CRYBG1: variants seen among roughly 807,000 people sequenced by gnomAD.
CRYBG1 encodes beta/gamma crystallin domain-containing protein 1.
In CRYBG1, 139 loss-of-function variants were observed where a neutral mutation model predicts 189.2. The ratio of observed to expected loss-of-function variants is 0.73; its 90% CI spans 0.64 to 0.85. The LOEUF (loss-of-function observed/expected upper bound fraction) is 0.85. Among genes scored for constraint, CRYBG1 ranks in the 40% least tolerant of loss-of-function variants. The pLI is 0.00. For missense variants in CRYBG1, 2,611 were observed against 2,675.8 expected, an observed-to-expected ratio of 0.98 and a Z score of 0.53; for synonymous variants, 1,023 against 1,017.1, an observed-to-expected ratio of 1.01 and a Z score of -0.11.
At chr6:106,417,220 A>C (rs904990253) in intron 1 of CRYBG1, among the ~76,000 whole-genome samples, 1 of 151,984 alleles carries the variant, frequency 6.6e-6, no homozygotes, top group African/African-American at 2.4e-5. Context: ...TATTTAAAAA[A>C]ATTTAAAAAG....
chr6:106,512,639 C>G lies in CRYBG1; in HGVS notation c.1522C>G (p.Pro508Ala). Residue 508 changes from proline (P) to alanine (A), a missense_variant, in exon 3 of 22, where the codon CCG becomes GCG. Physicochemically the swap from Pro to Ala is conservative, Grantham distance 27. Transcript: ENST00000633556. ...GTCGGACCGGAGCAAACAGCCACCC[C>G]CGGCTTCGTCCCCCACGAAGAGGAA... Reference protein sequence around the residue: ...GESDRSKQPPPASSPTKRKGR... With the variant: ...GESDRSKQPPAASSPTKRKGR... 1 of 1,589,314 alleles carries G rather than the reference C, an allele frequency of 6.3e-7. No homozygotes were observed. The highest frequency in any genetic ancestry group is 2.3e-5 in the East Asian group (1 of 43,842).
rs149102964 is a variant in CRYBG1, at chr6:106,519,313, G to A, written c.2105G>A (p.Arg702Lys). ...SPRHTDIRGQ[R>K]NTPASSKTFV... ...AGACACACTGACATTCGAGGCCAAAGGAATACTCCTGCCTCTAGTAAAACG... is the reference window on the plus strand; with the variant it reads ...AGACACACTGACATTCGAGGCCAAAAGAATACTCCTGCCTCTAGTAAAACG... Residue 702 changes from arginine (R) to lysine (K), a missense_variant, in exon 4 of 22, where the codon AGG becomes AAG. Transcript: ENST00000633556. 4.3e-5 allele frequency: 70 copies of A among 1,614,076 alleles called. 1 individual carries two copies. The African/African-American group carries it at 9.2e-4, about 21-fold the overall frequency.
At chr6:106,488,619 T>G (rs952184709) in intron 2 of CRYBG1, among the ~76,000 whole-genome samples, 1 of 151,698 alleles carries the variant, frequency 6.6e-6, no homozygotes, top group African/African-American at 2.4e-5. Flanking sequence ...CTCTCTCTGG[T>G]GGGGTGGGCT....
intron 2 of CRYBG1, among the ~76,000 whole-genome samples, chr6:106,508,212 C>T (rs1160178727): frequency 6.6e-6 from 1 of 152,210 alleles, no homozygotes; most frequent in Non-Finnish European, 1.5e-5. Context: ...CACTGCACAC[C>T]AGGCTGGTCA....
intron 1 of CRYBG1, among the ~76,000 whole-genome samples, chr6:106,372,500 C>T (rs1410731279): frequency 6.6e-6 from 1 of 152,184 alleles, no homozygotes; most frequent in East Asian, 1.9e-4. Context: ...GATCTGCCCA[C>T]CTTGGCCTCC....
intron 4 of CRYBG1, 147 bp from the exon 5 acceptor site, chr6:106,524,986 T>C (rs534560973): frequency 1.3e-6 from 1 of 758,140 alleles, no homozygotes; most frequent in African/African-American, 1.8e-5. Flanking sequence ...AGAGTTTTAA[T>C]ACAACTTTAG....
At chr6:106,553,112 A>G (rs530727352) in intron 15 of CRYBG1, among the ~76,000 whole-genome samples, 2 of 152,316 alleles carry the variant, frequency 1.3e-5, no homozygotes, top group African/African-American at 4.8e-5. Flanking sequence ...TTTCCAAAAT[A>G]CTGTTTGTCG....
intron 2 of CRYBG1, among the ~76,000 whole-genome samples, chr6:106,465,081 AT>A (rs1772085002): frequency 6.6e-6 from 1 of 152,176 alleles, no homozygotes; most frequent in Non-Finnish European, 1.5e-5. Flanking sequence ...AGTTCCCCTA[AT>A]TCCCAGCTGG....
chr6:106,525,376 G>T lies in CRYBG1; in HGVS notation c.4402G>T (p.Val1468Phe), dbSNP rs780066792. 9 of 1,613,232 alleles carry T rather than the reference G, an allele frequency of 5.6e-6. No homozygotes were observed. The highest frequency in any genetic ancestry group is 7.6e-6 in the Non-Finnish European group (9 of 1,179,228). ...SLSPVILIKV[V>F]RGCWILYEQP... is the part of the protein sequence containing the mutation. ...CTCTCCAGTGATACTCATAAAAGTTGTTAGAGGATGGTAAGAATGGCACTT... is the reference window on the plus strand; with the variant it reads ...CTCTCCAGTGATACTCATAAAAGTTTTTAGAGGATGGTAAGAATGGCACTT... The change falls in exon 6 of 22, where the codon GTT becomes TTT. Residue 1468 changes from valine to phenylalanine, a missense_variant. Coordinates refer to ENST00000633556, the MANE Select transcript of CRYBG1 (RefSeq NM_001371242.2).
At chr6:106,412,772 T>C (rs1770953285) in intron 1 of CRYBG1, among the ~76,000 whole-genome samples, 1 of 152,190 alleles carries the variant, frequency 6.6e-6, no homozygotes, top group African/African-American at 2.4e-5. Flanking sequence ...ACTCTGAACC[T>C]GATGAGGCTC....
rs1772514006 is a variant in CRYBG1 at position 106,483,395 on chromosome 6, TATATATA to T, written c.313-28033_313-28027del. Among the ~76,000 whole-genome samples, 2 of 130,898 alleles carry T rather than the reference TATATATA, an allele frequency of 1.5e-5. 1 individual carries two copies. The highest frequency in any genetic ancestry group is 3.5e-5 in the Non-Finnish European group (2 of 57,912). 85.9% of individuals were successfully genotyped at this position (130,898 alleles called of 152,430 possible). A position where few individuals can be genotyped will look rare whatever the true frequency, so the allele number is the denominator to read the frequency against. ...GTGTGTGTGTATATATATATAGATA[TATATATA>T]AAACATTTTCTTTATCTACTTATTT... On this transcript the variant is annotated intron_variant, in intron 2 of 21. Coordinates refer to ENST00000633556, the MANE Select transcript of CRYBG1 (RefSeq NM_001371242.2).
intron 2 of CRYBG1, among the ~76,000 whole-genome samples, chr6:106,496,797 T>A (rs1162724533): frequency 6.6e-6 from 1 of 152,242 alleles, no homozygotes; most frequent in Non-Finnish European, 1.5e-5. Context: ...TGGCAAGTGC[T>A]GCAGGTACTA....
At chr6:106,394,613 G>C (rs1770570172) in intron 1 of CRYBG1, among the ~76,000 whole-genome samples, 2 of 152,260 alleles carry the variant, frequency 1.3e-5, no homozygotes, top group Non-Finnish European at 2.9e-5. Context: ...AGTTGTTTCT[G>C]AAATATAAGC....
intron 20 of CRYBG1, among the ~76,000 whole-genome samples, 166 bp downstream of exon 20, chr6:106,561,666 G>T (rs1267669077): frequency 6.6e-6 from 1 of 152,144 alleles, no homozygotes; most frequent in Non-Finnish European, 1.5e-5. Flanking sequence ...AGCTCTGATA[G>T]AACCAGTCTA....
intron 1 of CRYBG1, among the ~76,000 whole-genome samples, chr6:106,399,658 CT>C (rs34726734): frequency 0.014 from 2,013 of 140,294 alleles, 44 homozygotes; most frequent in African/African-American, 0.05. Context: ...GTTTTTCTTT[CT>C]TTTTTTTTTT....
intron 1 of CRYBG1, among the ~76,000 whole-genome samples, chr6:106,402,785 G>C (rs7766038): frequency 6.6e-6 from 1 of 151,850 alleles, no homozygotes; most frequent in Non-Finnish European, 1.5e-5. Context: ...AATGACCACC[G>C]AGCCCTTGAT....
chr6:106,550,172 C>T (rs537561482), intron 13 of CRYBG1, among the ~76,000 whole-genome samples: 1 of 152,290 alleles, frequency 6.6e-6, no homozygotes, highest in East Asian at 1.9e-4. Flanking sequence ...TATCTAGTGC[C>T]AGTCTAGTTC....
chr6:106,474,949 T>A (rs535751853), intron 2 of CRYBG1, among the ~76,000 whole-genome samples: 3 of 152,310 alleles, frequency 2.0e-5, no homozygotes, highest in Admixed American at 2.0e-4. Context: ...GCCACCAATG[T>A]TGGGGGAAAA....
At chr6:106,464,312 A>G (rs929928109) in intron 2 of CRYBG1, among the ~76,000 whole-genome samples, 1 of 152,204 alleles carries the variant, frequency 6.6e-6, no homozygotes, top group Middle Eastern at 3.4e-3. Flanking sequence ...GACCAACATG[A>G]TGAAACCCAT....
Sources: gnomAD v4.1 joint callset for allele counts (sites outside exome capture counted in the v4.1 genomes callset) on GRCh38, gnomAD v4.1.1 for gene constraint, MANE v1.5 for transcripts, NCBI Gene and HGNC (gene_info 2026-07-23, HGNC 2026-07-21) for gene names.